ISM2: variants seen among roughly 807,000 people sequenced by gnomAD.
ISM2 encodes the protein isthmin-2.
Under a neutral mutation model 58.0 loss-of-function variants are expected in ISM2, and 50 were observed. That is an observed-to-expected ratio of 0.86 (90% CI 0.69 to 1.09). The LOEUF (loss-of-function observed/expected upper bound fraction) is 1.09. ISM2 is among the 50% of genes least tolerant of loss of function. The pLI, the probability that ISM2 is intolerant of heterozygous loss-of-function variation, is 0.00. For synonymous variants in ISM2, 303 were observed against 312.4 expected, an observed-to-expected ratio of 0.97 and a Z score of 0.32; for missense variants, 723 against 745.0, an observed-to-expected ratio of 0.97 and a Z score of 0.34.
At chr14:77,490,716 G>A (rs1025004105) in intron 1 of ISM2, among the ~76,000 whole-genome samples, 2 of 152,208 alleles carry the variant, frequency 1.3e-5, no homozygotes, top group East Asian at 1.9e-4. Context: ...AACTCTCCAC[G>A]TCCATCCTTC....
In ISM2 at chr14:77,493,979, G is replaced by A. The variant is rs572128262; in HGVS notation, c.141+4674C>T. 4.5e-3 allele frequency among the ~76,000 whole-genome samples: 675 copies of A among 151,126 alleles called. 7 individuals are homozygous for A. Among genetic ancestry groups the A allele is most frequent in the African/African-American group, 0.016 (653 of 41,088 alleles). On this transcript the variant is annotated intron_variant, in intron 1 of 6. Coordinates refer to ENST00000342219, the MANE Select transcript of ISM2 (RefSeq NM_199296.3). Reference sequence around the variant, plus strand: ...TTTTTAGTAGAGATGGGGTTTCACCGTGTTAGCCAGGATGGTCTTGATCTC... The same window carrying A: ...TTTTTAGTAGAGATGGGGTTTCACCATGTTAGCCAGGATGGTCTTGATCTC...
intron 1 of ISM2, among the ~76,000 whole-genome samples, chr14:77,492,360 C>T (rs2079210820): frequency 6.6e-6 from 1 of 152,048 alleles, no homozygotes; most frequent in Non-Finnish European, 1.5e-5. Context: ...GTTACTGGGC[C>T]CGCTGTCAGT....
rs1407334487 is a variant in ISM2, at chr14:77,475,659, G to A, written c.1652C>T (p.Ala551Val). 6.2e-7 allele frequency: 1 copy of A among 1,613,370 alleles called. No homozygotes were observed. The highest frequency in any genetic ancestry group is 1.1e-5 in the South Asian group (1 of 90,952). The change falls in exon 7 of 7, where the codon GCC becomes GTC. Residue 551 changes from alanine to valine, a missense_variant. Transcript: ENST00000342219. This position sits in a 1 kb window ranked among gnomAD's most constrained non-coding sequence, Gnocchi z 4.1. ...HAVLPPNNGRACTDNPLEEEY... is the reference protein window; with the variant it reads ...HAVLPPNNGRVCTDNPLEEEY... Reference sequence around the variant, plus strand: ...CTCCTCCAGGGGGTTGTCGGTGCAGGCTCGGCCGTTGTTGGGAGGGAGCAC... The same window carrying A: ...CTCCTCCAGGGGGTTGTCGGTGCAGACTCGGCCGTTGTTGGGAGGGAGCAC...
intron 1 of ISM2, among the ~76,000 whole-genome samples, chr14:77,493,018 G>A (rs2079215958): frequency 1.3e-5 from 2 of 152,076 alleles, no homozygotes; most frequent in South Asian, 4.1e-4. Flanking sequence ...AAAAAAGACA[G>A]GGTCTCATTC....
At chr14:77,496,184 GC>G (rs765657425) in intron 1 of ISM2, among the ~76,000 whole-genome samples, 1 of 130,374 alleles carries the variant, frequency 7.7e-6, no homozygotes. Context: ...AAGACTCCAT[GC>G]CAAAAAAAAA....
chr14:77,484,253 T>G (rs1291229927), intron 3 of ISM2, 70 bp downstream of exon 3: 4 of 1,564,140 alleles, frequency 2.6e-6, no homozygotes, highest in Non-Finnish European at 3.5e-6. Context: ...TAGGGTATCC[T>G]GAGCCCACCT....
intron 1 of ISM2, among the ~76,000 whole-genome samples, chr14:77,495,281 T>C (rs2079232055): frequency 6.6e-6 from 1 of 152,168 alleles, no homozygotes; most frequent in Admixed American, 6.5e-5. Context: ...GACTCTAAGC[T>C]CTGCTTTTTC....
intron 1 of ISM2, among the ~76,000 whole-genome samples, chr14:77,485,941 T>C (rs2079164946): frequency 6.6e-6 from 1 of 152,270 alleles, no homozygotes; most frequent in African/African-American, 2.4e-5. Flanking sequence ...AAGATAATCA[T>C]TCTTCCCTGC....
In ISM2 at chr14:77,484,195, G is replaced by A. The variant is rs367695156; in HGVS notation, c.627+128C>T. On this transcript the variant is annotated intron_variant, in intron 3 of 6. Coordinates refer to ENST00000342219, the MANE Select transcript of ISM2 (RefSeq NM_199296.3). ...ACCACAGGGAGAGCATGGGGAGCCT[G>A]CCCTCTGACCCCACACAGCAGCCCC... 30 of 1,230,374 alleles carry A rather than the reference G, an allele frequency of 2.4e-5. No individual in the cohort carries two copies. In the East Asian group the frequency reaches 4.9e-4, roughly 20 times the overall value. 76.2% of individuals were successfully genotyped at this position (1,230,374 alleles called of 1,614,324 possible). A position where few individuals can be genotyped will look rare whatever the true frequency, so the allele number is the denominator to read the frequency against.
In ISM2 at chr14:77,497,737, A is replaced by AGGAG. The variant is rs1292866877; in HGVS notation, c.141+912_141+915dup. On this transcript the variant is annotated intron_variant, in intron 1 of 6. Coordinates refer to ENST00000342219, the MANE Select transcript of ISM2 (RefSeq NM_199296.3). ...AGGGAGAAAGAAAAAGTAGGAAGGA[A>AGGAG]GGAGGGAGGGAGGGAGGGAGGGAGG... Among the ~76,000 whole-genome samples, 199 of 46,330 alleles carry AGGAG rather than the reference A, an allele frequency of 4.3e-3. 3 individuals are homozygous for AGGAG. Among genetic ancestry groups the AGGAG allele is most frequent in the African/African-American group, 0.012 (178 of 14,478 alleles). 30.4% of individuals were successfully genotyped at this position (46,330 alleles called of 152,430 possible).
rs11850175 is a variant in ISM2, at chr14:77,484,553, G to C, written c.397C>G (p.Pro133Ala). ...TCTTCCCTCAGAGGCCTAGGATCTG[G>C]GGAGGCTGAAGCCTGAGGAAGAGAG... The part of the protein sequence containing the change: ...PNPDTQASAS[P>A]DPRPLREEEE... The change falls in exon 3 of 7, where the codon CCA (proline) becomes GCA (alanine). Residue 133 changes from proline (P) to alanine (A), a missense_variant. Pro to Ala is a conservative substitution (Grantham distance 27). Coordinates refer to ENST00000342219, the MANE Select transcript of ISM2 (RefSeq NM_199296.3). 5.8e-3 allele frequency: 9,346 copies of C among 1,598,878 alleles called. 455 individuals are homozygous for C. In the African/African-American group the frequency reaches 0.11, roughly 19 times the overall value.
chr14:77,481,509 ACT>A (rs3075832), intron 4 of ISM2, among the ~76,000 whole-genome samples: 2,352 of 152,046 alleles, frequency 0.015, 56 homozygotes, highest in African/African-American at 0.054. Context: ...CTCACTTAAT[ACT>A]CTCTACAGCC....
Position 77,484,681 on chromosome 14 carries a change from G to A in ISM2, c.380C>T (p.Thr127Ile). ...NTTLSTPNPD[T>I]QASASPDPRP... ...TGGCCCTTCTGTAGCTCTCACCTGG[G>A]TATCAGGGTTAGGGGTACTCAAGGT... is the stretch of plus-strand genomic sequence containing the variant. The change falls in exon 2 of 7, where the codon ACC becomes ATC. Residue 127 changes from threonine (T) to isoleucine (I), a missense_variant. Transcript: ENST00000342219. The A allele has an allele frequency of 6.3e-7, 1 of 1,580,658 alleles. No homozygotes were observed. The highest frequency in any genetic ancestry group is 8.6e-7 in the Non-Finnish European group (1 of 1,166,198).
At chr14:77,480,077 G>A (rs773413059) in intron 4 of ISM2, among the ~76,000 whole-genome samples, 2 of 152,078 alleles carry the variant, frequency 1.3e-5, no homozygotes, top group Admixed American at 1.3e-4. Context: ...CCAGCACTTC[G>A]GGAGGCTGAG....
At position 77,482,475 on chromosome 14, in the gene ISM2, C is replaced by T. The variant is rs2079138343; in HGVS notation, c.820G>A (p.Asp274Asn). The change falls in exon 4 of 7, where the codon GAC (aspartate) becomes AAC (asparagine). Residue 274 changes from aspartate (D) to asparagine (N), a missense_variant. By Grantham distance (23) the Asp-to-Asn change is conservative. Transcript: ENST00000342219. Reference sequence around the variant, plus strand: ...CCCTCGATATCCTCTGAAGGATAGTCCTCGTCTTCCTCCTTTTCCTCCCCC... The same window carrying T: ...CCCTCGATATCCTCTGAAGGATAGTTCTCGTCTTCCTCCTTTTCCTCCCCC... ...EKGEEKEEDE[D>N]YPSEDIEGED... The T allele has an allele frequency of 6.2e-7, 1 of 1,614,048 alleles. No homozygotes were observed. Among genetic ancestry groups the T allele is most frequent in the Admixed American group, 1.7e-5 (1 of 60,004 alleles).
At chr14:77,494,384 C>A (rs556975745) in intron 1 of ISM2, among the ~76,000 whole-genome samples, 107 of 151,990 alleles carry the variant, frequency 7.0e-4, no homozygotes, top group African/African-American at 2.5e-3. Context: ...TCAGTTATTT[C>A]TTTTTTATTT....
chr14:77,482,854 G>T (rs1252692275), intron 3 of ISM2, 187 bp from the exon 4 acceptor site: 1 of 519,580 alleles, frequency 1.9e-6, no homozygotes, highest in East Asian at 3.1e-5. Context: ...CACAGCTTAC[G>T]GCCTGGAGGT....
At chr14:77,484,293 C>G in intron 3 of ISM2, 30 bp downstream of exon 3, 1 of 1,601,788 alleles carries the variant, frequency 6.2e-7, no homozygotes, top group East Asian at 2.2e-5. Flanking sequence ...CGGGTGTCTG[C>G]AGGGCTGCTG....
chr14:77,496,468 A>G (rs886806140), intron 1 of ISM2, among the ~76,000 whole-genome samples: 8 of 150,514 alleles, frequency 5.3e-5, no homozygotes, highest in African/African-American at 2.0e-4. Context: ...AGTCTGGGCA[A>G]CAAGAGCAAA....
Sources: allele counts gnomAD v4.1 joint callset (sites outside exome capture counted in the v4.1 genomes callset), GRCh38; gene constraint gnomAD v4.1.1; non-coding constraint Gnocchi (gnomAD v3.1); transcripts MANE v1.5; gene names NCBI Gene and HGNC (gene_info 2026-07-23, HGNC 2026-07-21).